SH2D3A: variants seen among roughly 807,000 people sequenced by gnomAD.
SH2D3A encodes SH2 domain containing 3A.
SH2D3A carries 46 observed loss-of-function variants against 50.6 expected under a neutral mutation model. That is an observed-to-expected ratio of 0.91 (90% confidence interval 0.72 to 1.16). SH2D3A has a LOEUF of 1.16. Among genes scored for constraint, SH2D3A ranks in the 50% most tolerant of loss-of-function variants. The pLI is 0.00. For synonymous variants in SH2D3A, 377 were observed against 348.4 expected (o/e 1.08, Z -0.91); for missense variants, 783 against 786.2 (o/e 1.00, Z 0.05).
chr19:6,753,690 T>C, intron 8 of SH2D3A, 49 bp from the exon 9 acceptor site: 9 of 1,471,030 alleles, frequency 6.1e-6, no homozygotes, highest in Middle Eastern at 2.0e-4. Flanking sequence ...AGATGGGGCA[T>C]AGGGCAGAGG....
rs766208463 is a variant in SH2D3A at position 6,754,032 on chromosome 19, A to G, written c.1384+20T>C. ...TGGTCTGGGCCCCCAGGGGATGCTA[A>G]GCCCCAGACCTTCACTTACCAGCGC... is the stretch of plus-strand genomic sequence containing the variant. On this transcript the variant is annotated intron_variant, in intron 8 of 9. Transcript: ENST00000245908. 1.3e-6 allele frequency: 2 copies of G among 1,572,130 alleles called. No homozygotes were observed. Among genetic ancestry groups the G allele is most frequent in the South Asian group, 2.3e-5 (2 of 85,686 alleles).
At position 6,759,593 on chromosome 19, in the gene SH2D3A, C is replaced by A; in HGVS notation, c.496+1G>T. ...CACAGGCCATTCTAGCAGACACTTA[C>A]CCATCCCAGCGGGGTCTTCTCTTGA... On this transcript the variant is annotated splice_donor_variant, in intron 4 of 9. Coordinates refer to ENST00000245908, the MANE Select transcript of SH2D3A (RefSeq NM_005490.3). LOFTEE classifies it high-confidence loss of function. 4 of 1,613,788 alleles carry A rather than the reference C, an allele frequency of 2.5e-6. No individual in the cohort carries two copies. Among genetic ancestry groups the A allele is most frequent in the Non-Finnish European group, 3.4e-6 (4 of 1,179,762 alleles).
At chr19:6,755,484 G>C (rs536156744) in intron 4 of SH2D3A, among the ~76,000 whole-genome samples, 169 bp from the exon 5 acceptor site, 3 of 152,266 alleles carry the variant, frequency 2.0e-5, no homozygotes, top group Admixed American at 2.0e-4. Flanking sequence ...CTCGACGGTA[G>C]AAATGCTACA....
At chr19:6,764,702 G>A (rs1970209043) in intron 1 of SH2D3A, among the ~76,000 whole-genome samples, 1 of 151,772 alleles carries the variant, frequency 6.6e-6, no homozygotes, top group Non-Finnish European at 1.5e-5. Context: ...ACAGGTGCTA[G>A]GGTGAACACT....
chr19:6,765,659 A>C (rs547212313), intron 1 of SH2D3A, among the ~76,000 whole-genome samples: 2 of 151,188 alleles, frequency 1.3e-5, no homozygotes, highest in Admixed American at 1.3e-4. Context: ...GAGGAGAGAG[A>C]ATCGCTTGAA....
intron 8 of SH2D3A, 127 bp downstream of exon 8, chr19:6,753,925 A>AGGGCGGGGCCTATGGTGAAG: frequency 8.3e-7 from 1 of 1,199,168 alleles, no homozygotes; most frequent in Non-Finnish European, 1.1e-6. Flanking sequence ...CCTCATGTGG[A>AGGGCGGGGCCTATGGTGAAG]GGGCGGGGCC....
In SH2D3A at chr19:6,754,955, G is replaced by A; in HGVS notation, c.857C>T (p.Pro286Leu). Residue 286 changes from proline to leucine, a missense_variant, in exon 5 of 10, where the codon CCC (proline) becomes CTC (leucine). By Grantham distance (98) the Pro-to-Leu change is moderately conservative (BLOSUM62 -3). Coordinates refer to ENST00000245908, the MANE Select transcript of SH2D3A (RefSeq NM_005490.3). Reference protein sequence around the residue: ...AEISFCPHDAPSCLLGPQNRP... With the variant: ...AEISFCPHDALSCLLGPQNRP... ...ATTCTGGGGGCCCAGCAGGCAGGAG[G>A]GGGCATCATGGGGGCAGAAAGAGAT... The A allele has an allele frequency of 3.1e-6, 5 of 1,613,914 alleles. No individual in the cohort carries two copies. The highest frequency in any genetic ancestry group is 4.2e-6 in the Non-Finnish European group (5 of 1,179,938).
Position 6,755,152 on chromosome 19 carries a change from T to C in SH2D3A, c.660A>G (p.Glu220=), listed in dbSNP as rs780213775. ...GGGGACGTTCAGAGGCATCAGGCAG[T>C]TCGAAGGAGGGTGTCCGGGGGGGCT... The part of the protein sequence containing the change: ...PTKPPRTPSF[E]LPDASERPPT... Residue 220 remains glutamate, a synonymous_variant, in exon 5 of 10, where the codon GAA becomes GAG. Coordinates refer to ENST00000245908, the MANE Select transcript of SH2D3A (RefSeq NM_005490.3). 3.2e-5 allele frequency: 51 copies of C among 1,610,182 alleles called. 2 individuals carry two copies. The South Asian group carries it at 5.4e-4, about 17-fold the overall frequency.
rs755820466 is a variant in SH2D3A at position 6,760,596 on chromosome 19, G to A, written c.419+42C>T. ...CAACCATTGAGTTGGAAAACCCTGC[G>A]AGTGTTGGGTGTTCTCAAGGAGGCA... is the stretch of plus-strand genomic sequence containing the variant. On this transcript the variant is annotated intron_variant, in intron 3 of 9. Coordinates refer to ENST00000245908, the MANE Select transcript of SH2D3A (RefSeq NM_005490.3). The A allele has an allele frequency of 6.2e-6, 9 of 1,448,394 alleles. No homozygotes were observed. In the Admixed American group the frequency reaches 1.3e-4, roughly 21 times the overall value. The allele number at this position is 1,448,394 out of a possible 1,614,324, so 89.7% of individuals were successfully genotyped here.
At position 6,754,180 on chromosome 19, in the gene SH2D3A, G is replaced by C; in HGVS notation, c.1273-17C>G. The C allele has an allele frequency of 6.2e-7, 1 of 1,610,638 alleles. No homozygotes were observed. The highest frequency in any genetic ancestry group is 8.5e-7 in the Non-Finnish European group (1 of 1,178,766). On this transcript the variant is annotated splice_polypyrimidine_tract_variant and intron_variant, in intron 7 of 9. Coordinates refer to ENST00000245908, the MANE Select transcript of SH2D3A (RefSeq NM_005490.3). The stretch of plus-strand genomic sequence containing the variant: ...CCGGGACACCTGGGAGAAGAGATCT[G>C]AGCACGCCTCCTCTCCAGTCTTCCC...
chr19:6,753,699 G>A lies in SH2D3A; in HGVS notation c.1385-58C>T, dbSNP rs1055402824. The A allele has an allele frequency of 1.4e-6, 2 of 1,443,098 alleles. 1 individual carries two copies. The highest frequency in any genetic ancestry group is 2.8e-5 in the South Asian group (2 of 72,266). The allele number at this position is 1,443,098 out of a possible 1,614,324, so 89.4% of individuals were successfully genotyped here. A position where few individuals can be genotyped will look rare whatever the true frequency, so the allele number is the denominator to read the frequency against. On this transcript the variant is annotated intron_variant, in intron 8 of 9. Transcript: ENST00000245908. The stretch of plus-strand genomic sequence containing the variant: ...GGCTGTAGATGGGGCATAGGGCAGA[G>A]GTGGAACCTAGGACAAATGCAGGGG...
At chr19:6,759,532 C>T in intron 4 of SH2D3A, 62 bp downstream of exon 4, 1 of 1,478,218 alleles carries the variant, frequency 6.8e-7, no homozygotes, top group South Asian at 1.1e-5. Flanking sequence ...TGACCAAGAT[C>T]TCTTAGGTGG....
chr19:6,759,721 C>T, intron 3 of SH2D3A, 51 bp from the exon 4 acceptor site: 1 of 1,565,284 alleles, frequency 6.4e-7, no homozygotes, highest in Non-Finnish European at 8.8e-7. Context: ...AGCAGTGTCC[C>T]CCACCAATAT....
chr19:6,756,070 C>T (rs920899903), intron 4 of SH2D3A, among the ~76,000 whole-genome samples: 1 of 96,910 alleles, frequency 1.0e-5, no homozygotes, highest in African/African-American at 3.8e-5. Context: ...GACCCTGTCT[C>T]AAAAAAAAAA....
chr19:6,754,579 G>A (rs1228914888), intron 6 of SH2D3A, 37 bp downstream of exon 6: 1 of 1,608,806 alleles, frequency 6.2e-7, no homozygotes, highest in Non-Finnish European at 8.5e-7. Context: ...GGGGGGAATT[G>A]GCCTCCCCCA....
Position 6,763,726 on chromosome 19 carries a change from T to C in SH2D3A, c.23A>G (p.Glu8Gly), listed in dbSNP as rs1001749221. 22 of 1,612,498 alleles carry C rather than the reference T, an allele frequency of 1.4e-5. No individual in the cohort carries two copies. The African/African-American group carries it at 2.3e-4, about 17-fold the overall frequency. Residue 8 changes from glutamate (E) to glycine (G), a missense_variant, in exon 2 of 10, where the codon GAA (glutamate) becomes GGA (glycine). Coordinates refer to ENST00000245908, the MANE Select transcript of SH2D3A (RefSeq NM_005490.3). MQVPQDG[E>G]DLAGQPWYHG... ...GTACCAAGGTTGGCCAGCAAGGTCT[T>C]CTCCATCCTGTGGCACCTGCATGGA...
intron 1 of SH2D3A, among the ~76,000 whole-genome samples, chr19:6,764,775 A>T (rs1970213084): frequency 6.6e-6 from 1 of 151,654 alleles, no homozygotes; most frequent in Non-Finnish European, 1.5e-5. Context: ...GTGCAATCAC[A>T]GCTCATTGCG....
At chr19:6,753,150 T>C (rs933093592) in intron 9 of SH2D3A, 1 of 985,000 alleles carries the variant, frequency 1.0e-6, no homozygotes, top group Non-Finnish European at 1.2e-6. Context: ...CAGGGCGTTC[T>C]TGGGGATCGA....
At chr19:6,759,396 A>G in intron 4 of SH2D3A, 198 bp downstream of exon 4, 1 of 495,046 alleles carries the variant, frequency 2.0e-6, no homozygotes, top group Non-Finnish European at 3.7e-6. Flanking sequence ...TACAGGCATG[A>G]GCCACCGCGC....
Sources: gnomAD v4.1 joint callset for allele counts (sites outside exome capture counted in the v4.1 genomes callset) on GRCh38, gnomAD v4.1.1 for gene constraint, MANE v1.5 for transcripts, NCBI Gene and HGNC (gene_info 2026-07-23, HGNC 2026-07-21) for gene names.